The following ANXA13 variants were observed in gnomAD, a reference collection of about 807,000 sequenced individuals.
The protein encoded by ANXA13 is annexin XIII.
Under a neutral mutation model 46.6 loss-of-function variants are expected in ANXA13, and 36 were observed. The observed-to-expected ratio is 0.77, with a 90% CI of 0.59 to 1.02. The LOEUF is 1.02. Ranked by LOEUF, ANXA13 falls within the 50% of genes least tolerant of loss-of-function variation. The pLI, the probability that ANXA13 is intolerant of heterozygous loss-of-function variation, is 0.00. For missense variants in ANXA13, 417 were observed against 396.5 expected (o/e 1.05, Z -0.44); for synonymous variants, 163 against 152.9 (o/e 1.07, Z -0.49).
intron 1 of ANXA13, among the ~76,000 whole-genome samples, chr8:123,723,771 C>G (rs1813931629): frequency 6.6e-6 from 1 of 152,146 alleles, no homozygotes; most frequent in Non-Finnish European, 1.5e-5. Flanking sequence ...CATTATCATA[C>G]TTTTTTATTA....
chr8:123,724,111 G>A (rs1813937117), intron 1 of ANXA13, among the ~76,000 whole-genome samples: 1 of 152,134 alleles, frequency 6.6e-6, no homozygotes, highest in Non-Finnish European at 1.5e-5. Context: ...GAAGCAGAGA[G>A]AATGAAAAGA....
chr8:123,688,852 T>C lies in ANXA13; in HGVS notation c.718+19A>G. 4 of 1,611,330 alleles carry C rather than the reference T, an allele frequency of 2.5e-6. No individual in the cohort carries two copies. The highest frequency in any genetic ancestry group is 3.4e-6 in the Non-Finnish European group (4 of 1,177,672). On this transcript the variant is annotated intron_variant, in intron 9 of 10. Coordinates refer to ENST00000419625, the MANE Select transcript of ANXA13 (RefSeq NM_004306.4). ...AGGCAGCCCAACCTAAGACAGGAGC[T>C]CTCCTAACTTTACTTTACCGAGAGT...
chr8:123,729,512 C>G (rs1041691385), intron 1 of ANXA13, among the ~76,000 whole-genome samples: 5 of 152,190 alleles, frequency 3.3e-5, no homozygotes, highest in Non-Finnish European at 2.9e-5. Flanking sequence ...AAAGATTTTC[C>G]TCCCTGATAG....
intron 2 of ANXA13, among the ~76,000 whole-genome samples, chr8:123,706,163 G>A (rs1324414139): frequency 1.3e-5 from 2 of 152,180 alleles, no homozygotes; most frequent in Admixed American, 6.5e-5. Context: ...TGGGATTCAC[G>A]TTGTCCTCCT....
At position 123,680,967 on chromosome 8, in the gene ANXA13, A is replaced by T; in HGVS notation, c.*273T>A. On this transcript the variant is annotated 3_prime_UTR_variant, in exon 11 of 11. Coordinates refer to ENST00000419625, the MANE Select transcript of ANXA13 (RefSeq NM_004306.4). The stretch of plus-strand genomic sequence containing the variant: ...TTTTTCATCAACTGCTGATTTCATT[A>T]GTGTTTAGAAAACATCCAGTTACCA... The T allele has an allele frequency of 2.8e-6, 1 of 362,004 alleles. No homozygotes were observed. The highest frequency in any genetic ancestry group is 5.0e-6 in the Non-Finnish European group (1 of 199,668). 22.4% of individuals were successfully genotyped at this position (362,004 alleles called of 1,614,324 possible).
rs186524232 is a variant in ANXA13 at position 123,691,835 on chromosome 8, A to G, written c.642+1362T>C. On this transcript the variant is annotated intron_variant, in intron 8 of 10. Transcript: ENST00000419625. ...TGCTGATGGTGCTGTTTCAGGATCAACTTTGAGATATTAGCCTGGAGAGTG... is the reference window on the plus strand; with the variant it reads ...TGCTGATGGTGCTGTTTCAGGATCAGCTTTGAGATATTAGCCTGGAGAGTG... 1.4e-4 allele frequency among the ~76,000 whole-genome samples: 21 copies of G among 152,344 alleles called. No individual in the cohort carries two copies. The South Asian group carries it at 1.5e-3, about 11-fold the overall frequency.
rs1361600936 is a variant in ANXA13, at chr8:123,695,521, A to C, written c.452T>G (p.Ile151Ser). The change falls in exon 6 of 11, where the codon ATC (isoleucine) becomes AGC (serine). Residue 151 changes from isoleucine to serine, a missense_variant. Ile to Ser is a moderately radical substitution (Grantham distance 142). Coordinates refer to ENST00000419625, the MANE Select transcript of ANXA13 (RefSeq NM_004306.4). ...KGDTSGNLKK[I>S]LVSLLQANRN... ...TCTTACCTGCAGCAGAGACACCAGG[A>C]TTTTTTTTAGGTTTCCACTTGTATC... is the stretch of plus-strand genomic sequence containing the variant. The C allele has an allele frequency of 1.2e-6, 2 of 1,613,514 alleles. No individual in the cohort carries two copies. The highest frequency in any genetic ancestry group is 3.3e-5 in the Admixed American group (2 of 59,984).
chr8:123,724,833 C>G (rs1813952507), intron 1 of ANXA13, among the ~76,000 whole-genome samples: 2 of 152,228 alleles, frequency 1.3e-5, no homozygotes, highest in Non-Finnish European at 2.9e-5. Context: ...AGGACCATAT[C>G]TGGCCCATTA....
At chr8:123,713,131 C>T (rs1030869600) in intron 1 of ANXA13, among the ~76,000 whole-genome samples, 1 of 152,214 alleles carries the variant, frequency 6.6e-6, no homozygotes, top group Admixed American at 6.5e-5. Context: ...TGAGACACAG[C>T]TATGTCTAAG....
intron 1 of ANXA13, among the ~76,000 whole-genome samples, chr8:123,721,589 A>G (rs990704280): frequency 7.9e-5 from 12 of 152,106 alleles, no homozygotes; most frequent in African/African-American, 2.9e-4. Flanking sequence ...TGCTTTGTGT[A>G]GTGCCTTTAA....
intron 6 of ANXA13, among the ~76,000 whole-genome samples, chr8:123,694,519 G>A (rs887808182): frequency 1.3e-5 from 2 of 152,128 alleles, no homozygotes; most frequent in Non-Finnish European, 2.9e-5. Context: ...AGCTGCTGGC[G>A]GTCTCTAGGA....
At chr8:123,722,898 T>C (rs1278459954) in intron 1 of ANXA13, among the ~76,000 whole-genome samples, 1 of 152,158 alleles carries the variant, frequency 6.6e-6, no homozygotes, top group Non-Finnish European at 1.5e-5. Flanking sequence ...CAGTTCTCCC[T>C]TTCCTAAAGT....
At chr8:123,726,126 T>C (rs1053821055) in intron 1 of ANXA13, among the ~76,000 whole-genome samples, 15 of 152,254 alleles carry the variant, frequency 9.9e-5, no homozygotes, top group African/African-American at 3.6e-4. Context: ...ATATGTTGAC[T>C]GTATGTTCTG....
intron 3 of ANXA13, among the ~76,000 whole-genome samples, chr8:123,702,137 A>C (rs1315708659): frequency 6.6e-6 from 1 of 152,240 alleles, no homozygotes; most frequent in African/African-American, 2.4e-5. Context: ...AGAAATAAGA[A>C]AGCCTAATGC....
intron 1 of ANXA13, among the ~76,000 whole-genome samples, chr8:123,716,365 G>A (rs1285597547): frequency 2.0e-5 from 3 of 152,126 alleles, no homozygotes; most frequent in Admixed American, 1.3e-4. Context: ...GATTACAGGC[G>A]TGAGCCACCT....
intron 2 of ANXA13, among the ~76,000 whole-genome samples, chr8:123,705,601 C>A (rs192536691): frequency 4.6e-5 from 7 of 152,334 alleles, no homozygotes; most frequent in African/African-American, 9.6e-5. Context: ...GACACCTGGG[C>A]TCTAGGGAGT....
intron 1 of ANXA13, among the ~76,000 whole-genome samples, chr8:123,716,664 C>T (rs1042018474): frequency 6.6e-6 from 1 of 152,060 alleles, no homozygotes; most frequent in Non-Finnish European, 1.5e-5. Flanking sequence ...TATTCATCAG[C>T]GATGCTCAGT....
chr8:123,737,268 T>C, intron 1 of ANXA13, 52 bp downstream of exon 1: 1 of 1,559,282 alleles, frequency 6.4e-7, no homozygotes, highest in East Asian at 2.3e-5. Flanking sequence ...TTTAAATTCT[T>C]CCACATGCTA....
intron 2 of ANXA13, among the ~76,000 whole-genome samples, chr8:123,704,401 C>G (rs940646240): frequency 1.3e-5 from 2 of 151,896 alleles, no homozygotes; most frequent in African/African-American, 4.8e-5. Flanking sequence ...ATTCTGCAGT[C>G]GGGAATTATT....
Sources: allele counts gnomAD v4.1 joint callset (sites outside exome capture counted in the v4.1 genomes callset), GRCh38; gene constraint gnomAD v4.1.1; transcripts MANE v1.5; gene names NCBI Gene and HGNC (gene_info 2026-07-23, HGNC 2026-07-21).